The following UBE2E2 variants were observed in gnomAD, a reference collection of about 807,000 sequenced individuals.
UBE2E2 encodes the protein ubiquitin conjugating enzyme E2 E2, also known as ubiquitin-conjugating enzyme E2 E2.
Under a neutral mutation model 24.7 loss-of-function variants are expected in UBE2E2, and 6 were observed. The observed-to-expected ratio is 0.24, with a 90% CI of 0.13 to 0.48. The LOEUF is 0.48. UBE2E2 is among the 20% of genes least tolerant of loss of function. The pLI, the probability that UBE2E2 is intolerant of heterozygous loss-of-function variation, is 0.99. For synonymous variants in UBE2E2, 104 were observed against 83.6 expected, an observed-to-expected ratio of 1.24 and a Z score of -1.33; for missense variants, 169 against 245.0, an observed-to-expected ratio of 0.69 and a Z score of 2.07.
chr3:23,577,260 A>C (rs1454963920), intron 5 of UBE2E2, among the ~76,000 whole-genome samples: 1 of 151,912 alleles, frequency 6.6e-6, no homozygotes, highest in Non-Finnish European at 1.5e-5. Context: ...AGCATTAGCC[A>C]GTTGTGAATG....
intron 3 of UBE2E2, among the ~76,000 whole-genome samples, chr3:23,225,942 C>T (rs964294562): frequency 2.6e-5 from 4 of 151,888 alleles, no homozygotes; most frequent in Non-Finnish European, 4.4e-5. Context: ...TGCAGTGGCA[C>T]CATACCAGCC....
At chr3:23,418,607 G>A (rs1697711092) in intron 3 of UBE2E2, among the ~76,000 whole-genome samples, 1 of 152,158 alleles carries the variant, frequency 6.6e-6, no homozygotes, top group Non-Finnish European at 1.5e-5. Context: ...AGAGTTGTCA[G>A]CCAAGATAGT....
intron 5 of UBE2E2, among the ~76,000 whole-genome samples, chr3:23,533,390 T>G (rs1322214512): frequency 6.6e-6 from 1 of 152,158 alleles, no homozygotes; most frequent in African/African-American, 2.4e-5. Flanking sequence ...GGAGAATTAT[T>G]TTATGAGTAA....
chr3:23,533,958 T>C (rs1444980380), intron 5 of UBE2E2, among the ~76,000 whole-genome samples: 1 of 152,120 alleles, frequency 6.6e-6, no homozygotes, highest in African/African-American at 2.4e-5. Flanking sequence ...CATTATAAAA[T>C]ATTTTTTGAA....
intron 5 of UBE2E2, among the ~76,000 whole-genome samples, chr3:23,571,572 G>A (rs1251927736): frequency 3.9e-5 from 6 of 151,982 alleles, no homozygotes; most frequent in Admixed American, 3.9e-4. Flanking sequence ...ACAGGCGTGA[G>A]CCATCACGCC....
intron 5 of UBE2E2, among the ~76,000 whole-genome samples, chr3:23,573,965 G>T (rs760498074): frequency 1.3e-5 from 2 of 152,046 alleles, no homozygotes; most frequent in Non-Finnish European, 2.9e-5. Context: ...AAAGCTGTGT[G>T]CAATGCTTAA....
At chr3:23,349,410 C>T (rs960472778) in intron 3 of UBE2E2, among the ~76,000 whole-genome samples, 14 of 152,152 alleles carry the variant, frequency 9.2e-5, no homozygotes, top group South Asian at 6.2e-4. Flanking sequence ...ACACTGTGCG[C>T]GACCCGAAGC....
At chr3:23,588,094 T>C (rs1189111047) in intron 5 of UBE2E2, among the ~76,000 whole-genome samples, 5 of 152,190 alleles carry the variant, frequency 3.3e-5, no homozygotes, top group African/African-American at 1.2e-4. Context: ...CATATGACCA[T>C]GAGTGCCTTA....
chr3:23,542,461 G>A (rs1420979102), intron 5 of UBE2E2, among the ~76,000 whole-genome samples: 2 of 152,122 alleles, frequency 1.3e-5, no homozygotes, highest in African/African-American at 4.8e-5. Flanking sequence ...ATTTAAAGTT[G>A]CAGTATTGTA....
chr3:23,404,147 C>A (rs73041557), intron 3 of UBE2E2, among the ~76,000 whole-genome samples: 19,888 of 152,156 alleles, frequency 0.13, 1,392 homozygotes, highest in Middle Eastern at 0.19. Flanking sequence ...CACTCACACA[C>A]ACACACATAT....
intron 3 of UBE2E2, among the ~76,000 whole-genome samples, chr3:23,257,521 C>A (rs1237627353): frequency 4.5e-5 from 3 of 66,388 alleles, no homozygotes; most frequent in South Asian, 1.5e-3. Flanking sequence ...TGCCCCCCCC[C>A]CCCCCCCACT....
chr3:23,272,046 G>A (rs2125363881), intron 3 of UBE2E2, among the ~76,000 whole-genome samples: 1 of 152,342 alleles, frequency 6.6e-6, no homozygotes, highest in Admixed American at 6.5e-5. Context: ...CAGCCCTTGG[G>A]CAGTCAATGG....
chr3:23,270,152 CTTTTTTTTTTT>C (rs71051207), intron 3 of UBE2E2, among the ~76,000 whole-genome samples: 2 of 100,728 alleles, frequency 2.0e-5, no homozygotes, highest in East Asian at 5.9e-4. Context: ...CCCCCTCCTC[CTTTTTTTTTTT>C]TTTTTTTTTT....
chr3:23,239,368 C>G (rs1028090055), intron 3 of UBE2E2, among the ~76,000 whole-genome samples: 1 of 152,160 alleles, frequency 6.6e-6, no homozygotes, highest in Non-Finnish European at 1.5e-5. Flanking sequence ...GCAACTGTCA[C>G]TGTCATTACT....
intron 3 of UBE2E2, among the ~76,000 whole-genome samples, chr3:23,440,539 A>G (rs1184549031): frequency 6.6e-6 from 1 of 152,244 alleles, no homozygotes; most frequent in African/African-American, 2.4e-5. Context: ...TCTTTCAGCA[A>G]CAAAAGAGAA....
At chr3:23,279,065 A>C (rs1271276859) in intron 3 of UBE2E2, among the ~76,000 whole-genome samples, 1 of 152,096 alleles carries the variant, frequency 6.6e-6, no homozygotes, top group Non-Finnish European at 1.5e-5. Context: ...TAAAGGTAAA[A>C]AGTTGGGTAG....
intron 3 of UBE2E2, among the ~76,000 whole-genome samples, chr3:23,349,828 G>A (rs889590417): frequency 3.2e-4 from 48 of 152,210 alleles, no homozygotes; most frequent in Admixed American, 5.9e-4. Flanking sequence ...CAAAAAGACA[G>A]CAGTAACCTC....
rs1360217565 is a variant in UBE2E2, at chr3:23,407,999, G to T, written c.228-91609G>T. On this transcript the variant is annotated intron_variant, in intron 3 of 5. Transcript: ENST00000396703. This position sits in a 1 kb window ranked among gnomAD's most constrained non-coding sequence, Gnocchi z 4.0. ...CTTCTGGTGGGGGCGGGGGAGATGG[G>T]CTTTTATTAAAAAATACAATGTCAC... 6.6e-6 allele frequency among the ~76,000 whole-genome samples: 1 copy of T among 151,914 alleles called. No homozygotes were observed. The highest frequency in any genetic ancestry group is 1.9e-4 in the East Asian group (1 of 5,192).
At chr3:23,435,320 C>T (rs1483478771) in intron 3 of UBE2E2, among the ~76,000 whole-genome samples, 1 of 152,194 alleles carries the variant, frequency 6.6e-6, no homozygotes, top group Non-Finnish European at 1.5e-5. Flanking sequence ...CCGTAACCTG[C>T]AGAGTAAATA....
Sources: gnomAD v4.1 joint callset for allele counts (sites outside exome capture counted in the v4.1 genomes callset) on GRCh38, gnomAD v4.1.1 for gene constraint, Gnocchi (gnomAD v3.1) non-coding constraint, MANE v1.5 for transcripts, NCBI Gene and HGNC (gene_info 2026-07-23, HGNC 2026-07-21) for gene names.